The following TNNI3K variants were observed in gnomAD, a reference collection of about 807,000 sequenced individuals.
The protein encoded by TNNI3K is TNNI3 interacting kinase, also known as serine/threonine-protein kinase TNNI3K.
Under a neutral mutation model 114.5 loss-of-function variants are expected in TNNI3K, and 140 were observed. The ratio of observed to expected loss-of-function variants is 1.22; its 90% CI spans 1.07 to 1.41. The LOEUF is 1.41. Ranked by LOEUF, TNNI3K falls within the 40% of genes most tolerant of loss-of-function variation. The probability of loss-of-function intolerance (pLI) is 0.00; values close to 1 mark genes in which losing one functional copy is unlikely to be tolerated. For missense variants in TNNI3K, 1,125 were observed against 1,007.6 expected, an observed-to-expected ratio of 1.12 and a Z score of -1.58; for synonymous variants, 347 against 347.5, an observed-to-expected ratio of 1.00 and a Z score of 0.02.
At chr1:74,386,301 A>G (rs1663475394) in intron 17 of TNNI3K, among the ~76,000 whole-genome samples, 1 of 152,166 alleles carries the variant, frequency 6.6e-6, no homozygotes, top group Admixed American at 6.5e-5. Context: ...CCTATTCAGT[A>G]TTGAAAACTG....
intron 17 of TNNI3K, among the ~76,000 whole-genome samples, chr1:74,405,822 A>T (rs1557547059): frequency 1.3e-5 from 2 of 152,234 alleles, no homozygotes; most frequent in Non-Finnish European, 2.9e-5. Flanking sequence ...TGTGATTTTC[A>T]AAAAGTCGGT....
intron 5 of TNNI3K, among the ~76,000 whole-genome samples, chr1:74,297,958 T>G (rs996113046): frequency 2.0e-5 from 3 of 152,174 alleles, no homozygotes; most frequent in Admixed American, 2.0e-4. Context: ...CTCCAAAGTC[T>G]GTTATTTGAC....
intron 21 of TNNI3K, chr1:74,480,779 A>G: frequency 1.4e-6 from 1 of 717,530 alleles, no homozygotes; most frequent in Non-Finnish European, 2.6e-6. Flanking sequence ...AGAGCTGGAT[A>G]TTTGGTTGTG....
At chr1:74,283,158 A>G (rs1657115472) in intron 5 of TNNI3K, among the ~76,000 whole-genome samples, 1 of 152,212 alleles carries the variant, frequency 6.6e-6, no homozygotes, top group Non-Finnish European at 1.5e-5. Context: ...AGTCTTAAAT[A>G]TCTAAGACTC....
intron 23 of TNNI3K, among the ~76,000 whole-genome samples, chr1:74,532,258 A>AT: frequency 1.3e-5 from 2 of 152,246 alleles, no homozygotes; most frequent in Middle Eastern, 3.4e-3. Context: ...GGAAAGTATC[A>AT]TTTTTTTAAA....
In TNNI3K at chr1:74,353,252, G is replaced by GTT. The variant is rs531606162; in HGVS notation, c.933-5_933-4dup. 15 of 1,415,922 alleles carry GTT rather than the reference G, an allele frequency of 1.1e-5. No homozygotes were observed. The highest frequency in any genetic ancestry group is 3.9e-5 in the Admixed American group (2 of 51,830). 87.7% of individuals were successfully genotyped at this position (1,415,922 alleles called of 1,614,324 possible). On this transcript the variant is annotated splice_polypyrimidine_tract_variant and intron_variant, in intron 9 of 24. Transcript: ENST00000326637. ...GACCTTCTATCTTTCTTGTTTTATG[G>GTT]TTTTTTTTTTCAGTGCTTGTACCTA...
intron 9 of TNNI3K, among the ~76,000 whole-genome samples, chr1:74,348,238 C>G (rs4650255): frequency 0.073 from 11,167 of 152,190 alleles, 587 homozygotes; most frequent in African/African-American, 0.14. Context: ...TTCCCAGCAC[C>G]ATTTATTAAA....
intron 22 of TNNI3K, among the ~76,000 whole-genome samples, chr1:74,490,445 G>A (rs187036493): frequency 1.1e-4 from 16 of 152,242 alleles, no homozygotes; most frequent in Admixed American, 3.9e-4. Flanking sequence ...ATATCTGGAG[G>A]TGGATTCCAG....
At chr1:74,409,982 T>C (rs1178581093) in intron 17 of TNNI3K, among the ~76,000 whole-genome samples, 1 of 152,170 alleles carries the variant, frequency 6.6e-6, no homozygotes, top group African/African-American at 2.4e-5. Flanking sequence ...GTAAGAAACA[T>C]GGGACTTAAG....
At chr1:74,538,360 G>T (rs940308308) in intron 23 of TNNI3K, among the ~76,000 whole-genome samples, 2 of 151,926 alleles carry the variant, frequency 1.3e-5, no homozygotes, top group Non-Finnish European at 2.9e-5. Context: ...TGAATGACTG[G>T]GGGGTAGAAT....
chr1:74,348,561 A>T (rs1211492266), intron 9 of TNNI3K, among the ~76,000 whole-genome samples: 1 of 152,148 alleles, frequency 6.6e-6, no homozygotes, highest in African/African-American at 2.4e-5. Flanking sequence ...TGATGGAGAT[A>T]CTATTGAATC....
intron 23 of TNNI3K, among the ~76,000 whole-genome samples, chr1:74,505,940 G>T (rs1479404181): frequency 6.6e-6 from 1 of 152,128 alleles, no homozygotes; most frequent in African/African-American, 2.4e-5. Context: ...GTGGATATAT[G>T]TTTGCCACCC....
chr1:74,394,355 A>G (rs1020936324), intron 17 of TNNI3K, among the ~76,000 whole-genome samples: 5 of 152,148 alleles, frequency 3.3e-5, no homozygotes, highest in African/African-American at 1.2e-4. Flanking sequence ...GTGCTTAACC[A>G]TGCTTCCCTA....
chr1:74,521,486 CAT>C (rs34491268), intron 23 of TNNI3K, among the ~76,000 whole-genome samples: 61,825 of 151,214 alleles, frequency 0.41, 14,889 homozygotes, highest in Non-Finnish European at 0.56. Context: ...CACACACACA[CAT>C]GTAAACGCAT....
At chr1:74,460,286 C>G (rs1667402254) in intron 20 of TNNI3K, among the ~76,000 whole-genome samples, 1 of 152,054 alleles carries the variant, frequency 6.6e-6, no homozygotes, top group African/African-American at 2.4e-5. Flanking sequence ...CCAGGATGGT[C>G]TCAATCTCCT....
chr1:74,367,800 G>A (rs564586145), intron 12 of TNNI3K, 108 bp from the exon 13 acceptor site: 46 of 1,026,200 alleles, frequency 4.5e-5, no homozygotes, highest in Non-Finnish European at 6.2e-5. Context: ...TGGGCCTGAA[G>A]CGATAGTTTT....
chr1:74,429,126 G>T (rs963449804), intron 17 of TNNI3K, among the ~76,000 whole-genome samples: 9 of 152,092 alleles, frequency 5.9e-5, no homozygotes, highest in African/African-American at 1.9e-4. Context: ...ATCTCCCTGA[G>T]CCCAAACGTA....
At chr1:74,287,752 G>T (rs1321685754) in intron 5 of TNNI3K, among the ~76,000 whole-genome samples, 1 of 152,038 alleles carries the variant, frequency 6.6e-6, no homozygotes, top group Admixed American at 6.6e-5. Flanking sequence ...AAACTAAAAA[G>T]CATTGGCATA....
Position 74,370,393 on chromosome 1 carries a change from G to A in TNNI3K, c.1772+1G>A. On this transcript the variant is annotated splice_donor_variant, in intron 17 of 24. Transcript: ENST00000326637. LOFTEE classifies it high-confidence loss of function. Reference sequence around the variant, plus strand: ...CAATTATACATCGTGACTTGAACAGGTATTTTTTTCCTAAATAATGAACTC... The same window carrying A: ...CAATTATACATCGTGACTTGAACAGATATTTTTTTCCTAAATAATGAACTC... 1 of 1,602,342 alleles carries A rather than the reference G, an allele frequency of 6.2e-7. No individual in the cohort carries two copies. Among genetic ancestry groups the A allele is most frequent in the East Asian group, 2.3e-5 (1 of 44,436 alleles).
Sources: gnomAD v4.1 joint callset for allele counts (sites outside exome capture counted in the v4.1 genomes callset) on GRCh38, gnomAD v4.1.1 for gene constraint, MANE v1.5 for transcripts, NCBI Gene and HGNC (gene_info 2026-07-23, HGNC 2026-07-21) for gene names.